Variants in ITPR1 observed in about 807,000 individuals in gnomAD.
The protein encoded by ITPR1 is inositol 1,4,5-trisphosphate receptor type 1, also known as inositol 1,4,5-trisphosphate-gated calcium channel ITPR1.
In ITPR1, 96 loss-of-function variants were observed where a neutral mutation model predicts 318.4. The observed-to-expected ratio is 0.30, with a 90% CI of 0.26 to 0.36. The LOEUF (loss-of-function observed/expected upper bound fraction) is 0.36, where lower values mean the gene tolerates loss of function less well. Among genes scored for constraint, ITPR1 ranks in the 10% least tolerant of loss-of-function variants. The pLI is 1.00. For synonymous variants in ITPR1, 1,312 were observed against 1,289.9 expected (o/e 1.02, Z -0.37); for missense variants, 2,440 against 3,460.2 (o/e 0.71, Z 7.40).
chr3:4,802,443 G>A (rs1366820888), intron 54 of ITPR1, among the ~76,000 whole-genome samples: 1 of 152,166 alleles, frequency 6.6e-6, no homozygotes, highest in African/African-American at 2.4e-5. Flanking sequence ...CTTTTTAGGG[G>A]CTGTAGCGAC....
intron 36 of ITPR1, among the ~76,000 whole-genome samples, chr3:4,703,695 T>C (rs2094701301): frequency 6.6e-6 from 1 of 152,192 alleles, no homozygotes; most frequent in South Asian, 2.1e-4. Context: ...CTGTCAATTG[T>C]GTAGGTAAGA....
chr3:4,685,670 T>A (rs1340734719), intron 30 of ITPR1, among the ~76,000 whole-genome samples: 1 of 152,248 alleles, frequency 6.6e-6, no homozygotes, highest in Non-Finnish European at 1.5e-5. Flanking sequence ...TATCAGGTGA[T>A]GCTTTGATCT....
At chr3:4,655,282 G>T (rs2125177781) in intron 12 of ITPR1, among the ~76,000 whole-genome samples, 1 of 152,276 alleles carries the variant, frequency 6.6e-6, no homozygotes, top group South Asian at 2.1e-4. Flanking sequence ...CTGAGATTAG[G>T]CAAGCTGTGG....
At chr3:4,646,609 G>A (rs2093463657) in intron 10 of ITPR1, among the ~76,000 whole-genome samples, 1 of 152,184 alleles carries the variant, frequency 6.6e-6, no homozygotes. Context: ...AGTTGTTTGA[G>A]GAAGGGAATA....
Position 4,693,747 on chromosome 3 carries a change from C to T in ITPR1, c.4281+6C>T, listed in dbSNP as rs779147075. On this transcript the variant is annotated splice_donor_region_variant and intron_variant, in intron 33 of 61. Transcript: ENST00000649015. Reference sequence around the variant, plus strand: ...ACGAGGACTGCATCCCTGAGGTGAGCGAGCCCAGCCTGGCTGTGCCCTTCT... The same window carrying T: ...ACGAGGACTGCATCCCTGAGGTGAGTGAGCCCAGCCTGGCTGTGCCCTTCT... 1.2e-6 allele frequency: 2 copies of T among 1,606,588 alleles called. No homozygotes were observed. Among genetic ancestry groups the T allele is most frequent in the Admixed American group, 1.7e-5 (1 of 59,132 alleles).
intron 4 of ITPR1, among the ~76,000 whole-genome samples, chr3:4,522,289 C>A (rs1013901480): frequency 2.0e-5 from 3 of 152,150 alleles, no homozygotes; most frequent in Admixed American, 6.5e-5. Context: ...TGACTTCAGT[C>A]CCAAAGGGCT....
At chr3:4,568,952 G>A (rs930213042) in intron 4 of ITPR1, among the ~76,000 whole-genome samples, 1 of 152,154 alleles carries the variant, frequency 6.6e-6, no homozygotes, top group African/African-American at 2.4e-5. Flanking sequence ...ATGGTGGAAG[G>A]TATGTCACAT....
At chr3:4,582,248 G>A (rs2089428314) in intron 4 of ITPR1, among the ~76,000 whole-genome samples, 1 of 152,078 alleles carries the variant, frequency 6.6e-6, no homozygotes, top group South Asian at 2.1e-4. Context: ...TAGCATATGC[G>A]CTTTGGGTTC....
intron 24 of ITPR1, among the ~76,000 whole-genome samples, chr3:4,679,660 A>G (rs2125226153): frequency 6.6e-6 from 1 of 152,316 alleles, no homozygotes. Flanking sequence ...AAACCCCCTC[A>G]TAGATTTACC....
At chr3:4,632,890 C>A (rs1350277449) in intron 5 of ITPR1, among the ~76,000 whole-genome samples, 2 of 117,772 alleles carry the variant, frequency 1.7e-5, no homozygotes, top group Non-Finnish European at 3.5e-5. Flanking sequence ...GAAGCCAGTT[C>A]TTTTCCCTGA....
chr3:4,651,077 G>C, intron 10 of ITPR1, among the ~76,000 whole-genome samples: 1 of 152,156 alleles, frequency 6.6e-6, no homozygotes, highest in East Asian at 1.9e-4. Flanking sequence ...GGACCCCTTT[G>C]ATGTGTCTAC....
intron 4 of ITPR1, among the ~76,000 whole-genome samples, chr3:4,542,953 G>A (rs1374951214): frequency 6.6e-6 from 1 of 152,082 alleles, no homozygotes; most frequent in Non-Finnish European, 1.5e-5. Context: ...CTTTTTCTGT[G>A]TATTAATTGA....
chr3:4,608,047 C>T lies in ITPR1; in HGVS notation c.164-19716C>T, dbSNP rs1294875888. On this transcript the variant is annotated intron_variant, in intron 4 of 61. Coordinates refer to ENST00000649015, the MANE Select transcript of ITPR1 (RefSeq NM_001378452.1). ...ATCATTTATACTGTAAACTAAATGT[C>T]TCCCAAAGTTAGCTTTGCCTAAGCC... Among the ~76,000 whole-genome samples the T allele has an allele frequency of 2.0e-5, 3 of 152,204 alleles. No individual in the cohort carries two copies. In the East Asian group the frequency reaches 5.8e-4, roughly 29 times the overall value.
chr3:4,669,022 A>G (rs1309109349), intron 18 of ITPR1, among the ~76,000 whole-genome samples: 1 of 152,204 alleles, frequency 6.6e-6, no homozygotes, highest in Admixed American at 6.5e-5. Flanking sequence ...TGTGGGTGTC[A>G]CAAATGATTA....
intron 44 of ITPR1, among the ~76,000 whole-genome samples, chr3:4,754,052 G>GGGC (rs1553727651): frequency 7.6e-6 from 1 of 131,984 alleles, no homozygotes; most frequent in Non-Finnish European, 1.7e-5. Context: ...AGAAAATGGG[G>GGGC]GGGGGGTGGC....
chr3:4,636,009 C>T (rs1000531075), intron 5 of ITPR1, among the ~76,000 whole-genome samples: 5 of 151,948 alleles, frequency 3.3e-5, no homozygotes, highest in South Asian at 2.1e-4. Context: ...TAGAGGCATT[C>T]GCCACCATGC....
At chr3:4,496,715 G>T (rs1305049532) in intron 2 of ITPR1, among the ~76,000 whole-genome samples, 2 of 152,194 alleles carry the variant, frequency 1.3e-5, no homozygotes, top group South Asian at 4.1e-4. Context: ...AGATAAAAAA[G>T]AAACCTTTAA....
chr3:4,564,491 C>T (rs542555338), intron 4 of ITPR1, among the ~76,000 whole-genome samples: 12 of 152,286 alleles, frequency 7.9e-5, no homozygotes, highest in Non-Finnish European at 1.5e-4. Context: ...CTGTAATGAA[C>T]GAATTACCAA....
At chr3:4,520,040 G>A (rs1056539056) in intron 3 of ITPR1, among the ~76,000 whole-genome samples, 1 of 152,282 alleles carries the variant, frequency 6.6e-6, no homozygotes, top group African/African-American at 2.4e-5. Flanking sequence ...AAGGGTCAAG[G>A]CTGAATATTT....
Sources: allele counts gnomAD v4.1 joint callset (sites outside exome capture counted in the v4.1 genomes callset), GRCh38; gene constraint gnomAD v4.1.1; transcripts MANE v1.5; gene names NCBI Gene and HGNC (gene_info 2026-07-23, HGNC 2026-07-21).